PDE4B: variants seen among roughly 807,000 people sequenced by gnomAD.
PDE4B encodes 3',5'-cyclic-AMP phosphodiesterase 4B.
Under a neutral mutation model 82.2 loss-of-function variants are expected in PDE4B, and 20 were observed. That is an observed-to-expected ratio of 0.24 (90% confidence interval 0.17 to 0.35). The LOEUF (loss-of-function observed/expected upper bound fraction) is 0.35, where lower values mean the gene tolerates loss of function less well. Among genes scored for constraint, PDE4B ranks in the 10% least tolerant of loss-of-function variants. The pLI, the probability that PDE4B is intolerant of heterozygous loss-of-function variation, is 1.00. For synonymous variants in PDE4B, 320 were observed against 318.9 expected (o/e 1.00, Z -0.04); for missense variants, 655 against 907.2 (o/e 0.72, Z 3.57).
At chr1:66,228,945 A>G (rs988555282) in intron 3 of PDE4B, among the ~76,000 whole-genome samples, 6 of 129,546 alleles carry the variant, frequency 4.6e-5, no homozygotes, top group Non-Finnish European at 1.0e-4. Context: ...TTTTTCAGCT[A>G]TTTTTAACCT....
intron 3 of PDE4B, chr1:66,063,018 G>GTGGTACTGC (rs1418180415): frequency 6.6e-6 from 1 of 151,994 alleles, no homozygotes; most frequent in African/African-American, 2.4e-5. Context: ...CTGGTAGCTG[G>GTGGTACTGC]TGGTACTGCT....
At chr1:65,825,680 T>TA (rs969166494) in intron 1 of PDE4B, among the ~76,000 whole-genome samples, 9 of 148,842 alleles carry the variant, frequency 6.0e-5, no homozygotes, top group East Asian at 3.9e-4. Flanking sequence ...ACCCCATCTC[T>TA]AAAAAAAAAT....
chr1:66,202,074 A>G (rs1195402644), intron 3 of PDE4B, among the ~76,000 whole-genome samples: 79 of 150,684 alleles, frequency 5.2e-4, no homozygotes, highest in South Asian at 1.5e-3. Context: ...TTCAAAGAAC[A>G]TCTTTATTTC....
chr1:66,187,343 C>T (rs952053249), intron 3 of PDE4B, among the ~76,000 whole-genome samples: 2 of 151,928 alleles, frequency 1.3e-5, no homozygotes, highest in African/African-American at 4.8e-5. Flanking sequence ...TGATGCTGGC[C>T]GCATAAAATG....
intron 3 of PDE4B, among the ~76,000 whole-genome samples, chr1:65,939,418 C>T (rs1213127734): frequency 6.6e-6 from 1 of 152,066 alleles, no homozygotes; most frequent in African/African-American, 2.4e-5. Context: ...TACCACAGGC[C>T]TGATAGAACA....
intron 3 of PDE4B, among the ~76,000 whole-genome samples, chr1:66,026,928 A>G (rs961008566): frequency 3.3e-5 from 5 of 152,230 alleles, no homozygotes; most frequent in African/African-American, 1.2e-4. Context: ...TCTACAATAC[A>G]TGGCTCAGTA....
intron 3 of PDE4B, among the ~76,000 whole-genome samples, chr1:66,191,422 A>C (rs1647791307): frequency 6.6e-6 from 1 of 152,198 alleles, no homozygotes; most frequent in African/African-American, 2.4e-5. Context: ...CATTTAAAAG[A>C]CTGATCTGTT....
intron 1 of PDE4B, among the ~76,000 whole-genome samples, chr1:65,847,660 T>A (rs1200326558): frequency 6.6e-6 from 1 of 152,218 alleles, no homozygotes. Flanking sequence ...GAAATCATTG[T>A]CCTTTCTTCA....
intron 1 of PDE4B, among the ~76,000 whole-genome samples, chr1:65,912,825 T>C (rs1418187430): frequency 6.6e-6 from 1 of 152,188 alleles, no homozygotes; most frequent in African/African-American, 2.4e-5. Context: ...CTGTGTTACC[T>C]TGGCCAAATA....
chr1:65,992,685 TCA>T (rs1651310919), intron 3 of PDE4B: 2 of 1,277,722 alleles, frequency 1.6e-6, no homozygotes, highest in Non-Finnish European at 2.0e-6. Flanking sequence ...TGGCGCATTT[TCA>T]GAGGCAAAGC....
intron 8 of PDE4B, among the ~76,000 whole-genome samples, chr1:66,340,501 C>A (rs1660897480): frequency 6.6e-6 from 1 of 151,990 alleles, no homozygotes; most frequent in Non-Finnish European, 1.5e-5. Context: ...AATCTAGAGC[C>A]CCCAAAGATT....
intron 3 of PDE4B, among the ~76,000 whole-genome samples, chr1:65,977,598 AT>A (rs1650476309): frequency 6.6e-6 from 1 of 152,226 alleles, no homozygotes; most frequent in African/African-American, 2.4e-5. Flanking sequence ...TAATAAAAAA[AT>A]CAGATCTAAC....
chr1:66,230,613 G>A (rs746009332), intron 3 of PDE4B, among the ~76,000 whole-genome samples: 14 of 152,056 alleles, frequency 9.2e-5, no homozygotes, highest in African/African-American at 1.9e-4. Flanking sequence ...TTTAATTTGC[G>A]CATCACAAAG....
intron 1 of PDE4B, among the ~76,000 whole-genome samples, chr1:65,820,204 A>G (rs1557763377): frequency 6.6e-6 from 1 of 152,222 alleles, no homozygotes; most frequent in African/African-American, 2.4e-5. Flanking sequence ...TTGCAATTGA[A>G]ATATTCAAGT....
intron 1 of PDE4B, among the ~76,000 whole-genome samples, chr1:65,888,415 G>T (rs1646815846): frequency 1.3e-5 from 2 of 152,106 alleles, no homozygotes; most frequent in Admixed American, 1.3e-4. Context: ...GCTTAGGATT[G>T]CTTTGGCAGT....
chr1:65,950,162 C>G (rs1648920682), intron 3 of PDE4B, among the ~76,000 whole-genome samples: 1 of 152,052 alleles, frequency 6.6e-6, no homozygotes, highest in Non-Finnish European at 1.5e-5. Flanking sequence ...TGGTGCTGAG[C>G]AGTAGCCAAC....
intron 3 of PDE4B, among the ~76,000 whole-genome samples, chr1:65,920,959 C>CTTTTTTTTTTTTTTTTT (rs71058435): frequency 1.5e-5 from 1 of 68,150 alleles, no homozygotes; most frequent in African/African-American, 5.3e-5. Flanking sequence ...AAAAGCATTT[C>CTTTTTTTTTTTTTTTTT]TTTTTTTTTT....
intron 7 of PDE4B, among the ~76,000 whole-genome samples, chr1:66,294,413 T>A (rs982365435): frequency 6.6e-6 from 1 of 152,178 alleles, no homozygotes; most frequent in Non-Finnish European, 1.5e-5. Flanking sequence ...AATTTTCTAA[T>A]TGATTCTACT....
At chr1:66,141,221 A>T (rs1276675669) in intron 3 of PDE4B, among the ~76,000 whole-genome samples, 2 of 151,390 alleles carry the variant, frequency 1.3e-5, no homozygotes, top group African/African-American at 2.4e-5. Flanking sequence ...GGTTACTAGG[A>T]CACAGTACCC....
Sources: gnomAD v4.1 joint callset for allele counts (sites outside exome capture counted in the v4.1 genomes callset) on GRCh38, gnomAD v4.1.1 for gene constraint, MANE v1.5 for transcripts, NCBI Gene and HGNC (gene_info 2026-07-23, HGNC 2026-07-21) for gene names.